Variants in HPSE2 observed in about 807,000 individuals in gnomAD.
HPSE2 encodes the protein inactive heparanase-2.
In HPSE2, 38 loss-of-function variants were observed where a neutral mutation model predicts 60.5. The observed-to-expected ratio is 0.63, with a 90% CI of 0.48 to 0.82. HPSE2 has a LOEUF of 0.82. HPSE2 is among the 40% of genes least tolerant of loss of function. HPSE2 has a pLI of 0.00. For synonymous variants in HPSE2, 295 were observed against 293.2 expected, an observed-to-expected ratio of 1.01 and a Z score of -0.06; for missense variants, 713 against 740.4, an observed-to-expected ratio of 0.96 and a Z score of 0.43.
chr10:98,718,117 C>G (rs965901992), intron 5 of HPSE2, among the ~76,000 whole-genome samples: 1 of 151,980 alleles, frequency 6.6e-6, no homozygotes, highest in Non-Finnish European at 1.5e-5. Context: ...ATAAAATTGT[C>G]ATTACATAGA....
At chr10:98,678,010 T>G (rs1033581042) in intron 6 of HPSE2, among the ~76,000 whole-genome samples, 1 of 152,200 alleles carries the variant, frequency 6.6e-6, no homozygotes, top group Non-Finnish European at 1.5e-5. Context: ...GCTAAAAATC[T>G]GAATTATCAA....
chr10:98,980,116 T>A (rs930932121), intron 3 of HPSE2, among the ~76,000 whole-genome samples: 1 of 152,148 alleles, frequency 6.6e-6, no homozygotes, highest in Non-Finnish European at 1.5e-5. Context: ...GTCAGAGAGA[T>A]CTTGGCTAAA....
At chr10:98,723,752 A>C (rs1487156656) in intron 4 of HPSE2, among the ~76,000 whole-genome samples, 1 of 152,144 alleles carries the variant, frequency 6.6e-6, no homozygotes, top group Non-Finnish European at 1.5e-5. Context: ...TTATTTGCGT[A>C]GAGGTGTTTA....
chr10:98,960,379 T>C (rs946918264), intron 3 of HPSE2, among the ~76,000 whole-genome samples: 17 of 152,168 alleles, frequency 1.1e-4, no homozygotes, highest in African/African-American at 4.1e-4. Context: ...ACGGTCTATT[T>C]ATGGCAACTG....
chr10:98,832,443 T>C (rs1280762893), intron 3 of HPSE2, among the ~76,000 whole-genome samples: 1 of 152,198 alleles, frequency 6.6e-6, no homozygotes, highest in African/African-American at 2.4e-5. Context: ...ATGACAACAA[T>C]GGTTTCTAGG....
intron 2 of HPSE2, among the ~76,000 whole-genome samples, chr10:99,225,316 G>A (rs1453771921): frequency 6.6e-6 from 1 of 151,978 alleles, no homozygotes; most frequent in Non-Finnish European, 1.5e-5. Context: ...TGCTGCTGCT[G>A]AAGTAACAAG....
In HPSE2 at chr10:98,608,884, G is replaced by T. The variant is rs551781502; in HGVS notation, c.1320+6020C>A. On this transcript the variant is annotated intron_variant, in intron 9 of 11. Transcript: ENST00000370552. ...TCACAGGCTGGTTTGGCTGGGTTTTGTGCCTCCCCCGCCCTACCACCTCCA... is the reference window on the plus strand; with the variant it reads ...TCACAGGCTGGTTTGGCTGGGTTTTTTGCCTCCCCCGCCCTACCACCTCCA... 2.0e-5 allele frequency among the ~76,000 whole-genome samples: 3 copies of T among 151,992 alleles called. No individual in the cohort carries two copies. The East Asian group carries it at 5.8e-4, about 30-fold the overall frequency.
intron 10 of HPSE2, among the ~76,000 whole-genome samples, chr10:98,485,951 G>T (rs993476803): frequency 6.6e-6 from 1 of 152,182 alleles, no homozygotes; most frequent in Non-Finnish European, 1.5e-5. Flanking sequence ...CAGCACTGCT[G>T]CAGGGAAAGC....
At position 98,459,585 on chromosome 10, in the gene HPSE2, G is replaced by C; in HGVS notation, c.1768C>G (p.Arg590Gly). ...AGTGTGAGGATAGCTTATCGGTAGC[G>C]GCAGGCCAAAGCATTGACATTCTTG... ...VVKNVNALACRYR is the reference protein window; with the variant it reads ...VVKNVNALACGYR Residue 590 changes from arginine (R) to glycine (G), a missense_variant, in exon 12 of 12, where the codon CGC (arginine) becomes GGC (glycine). Arg to Gly is a moderately radical substitution (Grantham distance 125, BLOSUM62 -2). Coordinates refer to ENST00000370552, the MANE Select transcript of HPSE2 (RefSeq NM_021828.5). The C allele has an allele frequency of 6.2e-7, 1 of 1,614,106 alleles. No individual in the cohort carries two copies.
intron 2 of HPSE2, among the ~76,000 whole-genome samples, chr10:99,214,267 A>C (rs1849044792): frequency 6.6e-6 from 1 of 152,220 alleles, no homozygotes; most frequent in Non-Finnish European, 1.5e-5. Context: ...CAAATGTGAA[A>C]TGGTATAGCC....
chr10:99,098,413 A>G (rs942243568), intron 3 of HPSE2, among the ~76,000 whole-genome samples: 3 of 152,202 alleles, frequency 2.0e-5, no homozygotes, highest in African/African-American at 7.2e-5. Flanking sequence ...TCCCCAACAA[A>G]TGCTGAGAGA....
intron 3 of HPSE2, among the ~76,000 whole-genome samples, chr10:98,960,736 T>TTTTTTTTTTTTTTTTTTTTTTTTG (rs1955649820): frequency 2.0e-5 from 1 of 49,882 alleles, no homozygotes; most frequent in African/African-American, 6.4e-5. Flanking sequence ...ATTTTTTTTA[T>TTTTTTTTTTTTTTTTTTTTTTTTG]TTTATTTTTT....
At chr10:99,036,737 T>G (rs2135463973) in intron 3 of HPSE2, among the ~76,000 whole-genome samples, 1 of 152,292 alleles carries the variant, frequency 6.6e-6, no homozygotes, top group South Asian at 2.1e-4. Context: ...CATGGATATT[T>G]TCATAGCTTC....
chr10:99,250,363 T>C, the HPSE2 span, among the ~76,000 whole-genome samples: 6 of 152,140 alleles, frequency 3.9e-5, no homozygotes, highest in African/African-American at 1.2e-4. Context: ...AACAAAAGAA[T>C]AGACTAATAA....
At chr10:98,674,369 G>A (rs1947582229) in intron 6 of HPSE2, among the ~76,000 whole-genome samples, 1 of 152,188 alleles carries the variant, frequency 6.6e-6, no homozygotes, top group Non-Finnish European at 1.5e-5. Context: ...GATTGGTTGG[G>A]AATAATGGAA....
chr10:98,679,850 C>T (rs915392459), intron 6 of HPSE2, among the ~76,000 whole-genome samples: 1 of 151,856 alleles, frequency 6.6e-6, no homozygotes, highest in Non-Finnish European at 1.5e-5. Flanking sequence ...CCACCACACC[C>T]GGCTAATTTT....
At chr10:98,945,662 G>A (rs1179187713) in intron 3 of HPSE2, among the ~76,000 whole-genome samples, 1 of 152,138 alleles carries the variant, frequency 6.6e-6, no homozygotes, top group Non-Finnish European at 1.5e-5. Context: ...ATGCGAAGAG[G>A]CTTAGAAGAC....
At chr10:99,222,383 G>A (rs1274478451) in intron 2 of HPSE2, among the ~76,000 whole-genome samples, 1 of 152,042 alleles carries the variant, frequency 6.6e-6, no homozygotes, top group African/African-American at 2.4e-5. Flanking sequence ...CAAAATCTCA[G>A]TTCAAACAGA....
chr10:98,865,964 C>T (rs1305025236), intron 3 of HPSE2, among the ~76,000 whole-genome samples: 1 of 151,984 alleles, frequency 6.6e-6, no homozygotes, highest in Non-Finnish European at 1.5e-5. Context: ...CAGAACAATA[C>T]AAAAATATGT....
Sources: allele counts gnomAD v4.1 joint callset (sites outside exome capture counted in the v4.1 genomes callset), GRCh38; gene constraint gnomAD v4.1.1; transcripts MANE v1.5; gene names NCBI Gene and HGNC (gene_info 2026-07-23, HGNC 2026-07-21).